Variants in LBR observed in about 807,000 individuals in gnomAD.
The protein encoded by LBR is lamin B receptor, also known as delta(14)-sterol reductase LBR.
LBR carries 28 observed loss-of-function variants against 74.3 expected under a neutral mutation model. The ratio of observed to expected loss-of-function variants is 0.38; its 90% CI spans 0.28 to 0.52. The LOEUF (loss-of-function observed/expected upper bound fraction) is 0.52. LBR is among the 20% of genes least tolerant of loss of function. The probability of loss-of-function intolerance (pLI) is 0.89; values close to 1 mark genes in which losing one functional copy is unlikely to be tolerated. For missense variants in LBR, 717 were observed against 760.3 expected, an observed-to-expected ratio of 0.94 and a Z score of 0.67; for synonymous variants, 228 against 269.3, an observed-to-expected ratio of 0.85 and a Z score of 1.50.
intron 1 of LBR, among the ~76,000 whole-genome samples, chr1:225,425,956 T>C (rs1480154764): frequency 6.6e-6 from 1 of 152,216 alleles, no homozygotes; most frequent in Non-Finnish European, 1.5e-5. Flanking sequence ...CCATTGCACT[T>C]ACACACCACA....
At chr1:225,415,683 C>A (rs2096115831) in intron 6 of LBR, among the ~76,000 whole-genome samples, 2 of 152,146 alleles carry the variant, frequency 1.3e-5, no homozygotes, top group Admixed American at 1.3e-4. Flanking sequence ...CTAGCTCAAA[C>A]ATCTACCAAT....
At position 225,406,818 on chromosome 1, in the gene LBR, C is replaced by A; in HGVS notation, c.1329G>T (p.Thr443=). 6.2e-7 allele frequency: 1 copy of A among 1,614,104 alleles called. No homozygotes were observed. Among genetic ancestry groups the A allele is most frequent in the Non-Finnish European group, 8.5e-7 (1 of 1,180,010 alleles). ...DALWNEEALL[T]TMDIIHDGFG... ...ATCCATCGTGGATGATGTCCATGGT[C>A]GTCAACAACGCTTCCTATAAGGATA... The change falls in exon 11 of 14, where the codon ACG becomes ACT. Residue 443 remains threonine (T), a synonymous_variant. Transcript: ENST00000272163.
chr1:225,418,690 A>C (rs547219612), intron 5 of LBR, among the ~76,000 whole-genome samples: 2 of 152,358 alleles, frequency 1.3e-5, no homozygotes, highest in Non-Finnish European at 2.9e-5. Flanking sequence ...CAAAGCAATT[A>C]AGCCATGCAG....
At chr1:225,423,476 G>C (rs754940505) in intron 2 of LBR, among the ~76,000 whole-genome samples, 2 of 150,998 alleles carry the variant, frequency 1.3e-5, no homozygotes, top group Non-Finnish European at 2.9e-5. Context: ...GGCTGACTGT[G>C]TCCCCCAGAC....
intron 4 of LBR, 33 bp downstream of exon 4, chr1:225,419,682 A>C (rs1205829866): frequency 1.3e-6 from 2 of 1,523,976 alleles, no homozygotes; most frequent in East Asian, 2.3e-5. Flanking sequence ...AGAAAAAAAA[A>C]AACAACCAAG....
intron 11 of LBR, 25 bp from the exon 12 acceptor site, chr1:225,404,731 T>C: frequency 1.4e-6 from 2 of 1,468,012 alleles, no homozygotes; most frequent in African/African-American, 1.4e-5. Context: ...TATTTTCCTA[T>C]GTTAATAACT....
intron 11 of LBR, among the ~76,000 whole-genome samples, chr1:225,406,241 C>A (rs906384586): frequency 6.6e-6 from 1 of 152,194 alleles, no homozygotes; most frequent in Non-Finnish European, 1.5e-5. Context: ...GTCATCTAAG[C>A]CCCTCTTAGT....
At chr1:225,424,174 C>G in intron 1 of LBR, 85 bp from the exon 2 acceptor site, 1 of 1,051,554 alleles carries the variant, frequency 9.5e-7, no homozygotes, top group Admixed American at 1.7e-5. Context: ...CACTAAAATA[C>G]AACTTTCCAG....
intron 3 of LBR, among the ~76,000 whole-genome samples, chr1:225,421,247 AC>A (rs2096126931): frequency 6.6e-6 from 1 of 152,240 alleles, no homozygotes; most frequent in African/African-American, 2.4e-5. Flanking sequence ...TAATCCCAGC[AC>A]TTTGGGAGGC....
chr1:225,425,221 GT>G, intron 1 of LBR, among the ~76,000 whole-genome samples: 1 of 151,194 alleles, frequency 6.6e-6, no homozygotes, highest in African/African-American at 2.5e-5. Context: ...TAGTGGGAGA[GT>G]GGGGGGGGAG....
At chr1:225,424,317 AT>A (rs1339519572) in intron 1 of LBR, among the ~76,000 whole-genome samples, 1 of 152,236 alleles carries the variant, frequency 6.6e-6, no homozygotes, top group African/African-American at 2.4e-5. Context: ...TATAGGCGCC[AT>A]AAGTTCACAC....
chr1:225,407,723 A>G (rs1463892147), intron 10 of LBR, among the ~76,000 whole-genome samples: 4 of 152,212 alleles, frequency 2.6e-5, no homozygotes, highest in African/African-American at 9.6e-5. Context: ...TGGAGAATCA[A>G]AGTTCTAGGT....
chr1:225,416,125 C>A (rs1318338369), intron 6 of LBR, among the ~76,000 whole-genome samples: 1 of 151,408 alleles, frequency 6.6e-6, no homozygotes, highest in Non-Finnish European at 1.5e-5. Context: ...GGGAAGATGA[C>A]TTCAGCCCAG....
At chr1:225,423,096 T>A (rs182735308) in intron 2 of LBR, among the ~76,000 whole-genome samples, 1 of 152,194 alleles carries the variant, frequency 6.6e-6, no homozygotes. Flanking sequence ...GTTACTAATC[T>A]GTGCAAGTAC....
At chr1:225,413,940 C>T (rs1010658213) in intron 7 of LBR, 1 of 456,874 alleles carries the variant, frequency 2.2e-6, no homozygotes, top group East Asian at 6.9e-5. Context: ...AAATATAACA[C>T]AAGACTACTT....
At position 225,412,503 on chromosome 1, in the gene LBR, G is replaced by A. The variant is rs1487139259; in HGVS notation, c.1035C>T (p.Tyr345=). ...VFCVVLSVYL[Y]MRSLKAPRND... is the part of the protein sequence containing the mutation. ...TCCGGGGCGCTTTCAAAGAGCGCAT[G>A]TAGAGATACACACTCAAGACCACAC... The change falls in exon 8 of 14, where the codon TAC becomes TAT. Residue 345 remains tyrosine, a synonymous_variant. Transcript: ENST00000272163. 1 of 1,614,182 alleles carries A rather than the reference G, an allele frequency of 6.2e-7. No homozygotes were observed. The highest frequency in any genetic ancestry group is 8.5e-7 in the Non-Finnish European group (1 of 1,180,038).
Position 225,422,108 on chromosome 1 carries a change from T to A in LBR, c.335A>T (p.Glu112Val). Residue 112 changes from glutamate to valine, a missense_variant, in exon 3 of 14, where the codon GAA becomes GTA. By Grantham distance (121) the Glu-to-Val change is moderately radical (BLOSUM62 -2). Coordinates refer to ENST00000272163, the MANE Select transcript of LBR (RefSeq NM_002296.4). ...CAGCGGAGTCAATTTAACTTCCACT[T>A]CCCTCCTTGCTTCCTTAATGTCGGC... is the stretch of plus-strand genomic sequence containing the variant. Reference protein sequence around the residue: ...HQADIKEARREVEVKLTPLIL... With the variant: ...HQADIKEARRVVEVKLTPLIL... 1 of 1,614,060 alleles carries A rather than the reference T, an allele frequency of 6.2e-7. No homozygotes were observed. Among genetic ancestry groups the A allele is most frequent in the Non-Finnish European group, 8.5e-7 (1 of 1,180,016 alleles).
At chr1:225,428,153 C>G (rs2096144995), upstream of LBR, 3 of 152,136 alleles carry the variant, frequency 2.0e-5, no homozygotes, top group African/African-American at 7.2e-5. Flanking sequence ...GCGAGGCCGC[C>G]CGGGGCTCCC....
chr1:225,414,686 G>C (rs2096113630), intron 7 of LBR, among the ~76,000 whole-genome samples: 1 of 152,180 alleles, frequency 6.6e-6, no homozygotes, highest in African/African-American at 2.4e-5. Flanking sequence ...ACATAGCCAA[G>C]TCCTAGCCCA....
Sources: gnomAD v4.1 joint callset for allele counts (sites outside exome capture counted in the v4.1 genomes callset) on GRCh38, gnomAD v4.1.1 for gene constraint, MANE v1.5 for transcripts, NCBI Gene and HGNC (gene_info 2026-07-23, HGNC 2026-07-21) for gene names.